Variants in SLCO1C1 observed in about 807,000 individuals in gnomAD.
SLCO1C1 encodes the protein OAT-RP-5.
SLCO1C1 carries 70 observed loss-of-function variants against 76.4 expected under a neutral mutation model. The ratio of observed to expected loss-of-function variants is 0.92; its 90% CI spans 0.76 to 1.12. SLCO1C1 has a LOEUF of 1.12. Among genes scored for constraint, SLCO1C1 ranks in the 50% most tolerant of loss-of-function variants. The pLI is 0.00. For missense variants in SLCO1C1, 912 were observed against 823.8 expected (o/e 1.11, Z -1.31); for synonymous variants, 306 against 286.1 (o/e 1.07, Z -0.70).
At position 20,696,087 on chromosome 12, in the gene SLCO1C1, T is replaced by G. The variant is rs535233207; in HGVS notation, c.-26+280T>G. On this transcript the variant is annotated intron_variant, in intron 1 of 14. Transcript: ENST00000266509. ...GGCCATCTAATTTAAAAAATGGAAT[T>G]CTAATATTACGTTTGTTGGGTTGTT... 6.1e-4 allele frequency among the ~76,000 whole-genome samples: 93 copies of G among 152,238 alleles called. No individual in the cohort carries two copies. In the Middle Eastern group the frequency reaches 0.02, roughly 33 times the overall value.
intron 3 of SLCO1C1, among the ~76,000 whole-genome samples, chr12:20,702,174 T>C (rs903243783): frequency 6.6e-6 from 1 of 151,982 alleles, no homozygotes; most frequent in East Asian, 1.9e-4. Flanking sequence ...TCTCTGGTCC[T>C]TAAGGCTTGT....
In SLCO1C1 at chr12:20,711,564, A is replaced by T. The variant is rs191176483; in HGVS notation, c.529+54A>T. Reference sequence around the variant, plus strand: ...CAAGCTTTTAAAAAAAAGACTTTATATGTGCTTTAGGATGGACAAAAGTGT... The same window carrying T: ...CAAGCTTTTAAAAAAAAGACTTTATTTGTGCTTTAGGATGGACAAAAGTGT... On this transcript the variant is annotated intron_variant, in intron 5 of 14. Coordinates refer to ENST00000266509, the MANE Select transcript of SLCO1C1 (RefSeq NM_017435.5). 7.0e-5 allele frequency: 111 copies of T among 1,583,696 alleles called. No individual in the cohort carries two copies. The Admixed American group carries it at 1.9e-3, about 27-fold the overall frequency.
chr12:20,724,153 G>A (rs1389168632), intron 9 of SLCO1C1, among the ~76,000 whole-genome samples: 1 of 151,524 alleles, frequency 6.6e-6, no homozygotes, highest in South Asian at 2.1e-4. Context: ...AACATCAATT[G>A]ATTTAAATTA....
Position 20,723,156 on chromosome 12 carries a change from C to T in SLCO1C1, c.1088C>T (p.Thr363Ile). Residue 363 changes from threonine (T) to isoleucine (I), a missense_variant, in exon 9 of 15, where the codon ACT becomes ATT. Transcript: ENST00000266509. The part of the protein sequence containing the change: ...PVYFLYLCTS[T>I]VQFNSLFGMV... ...TACTTCCTATATTTATGTACAAGCACTGTTCAGTTCAATTCTCTGTTCGGC... is the reference window on the plus strand; with the variant it reads ...TACTTCCTATATTTATGTACAAGCATTGTTCAGTTCAATTCTCTGTTCGGC... 1.2e-6 allele frequency: 2 copies of T among 1,614,102 alleles called. No homozygotes were observed. The highest frequency in any genetic ancestry group is 2.2e-5 in the East Asian group (1 of 44,874).
intron 9 of SLCO1C1, among the ~76,000 whole-genome samples, chr12:20,725,760 T>A (rs1247720233): frequency 6.6e-6 from 1 of 151,826 alleles, no homozygotes; most frequent in South Asian, 2.1e-4. Flanking sequence ...ATACTCCTAT[T>A]AGAAACGTAA....
At chr12:20,739,846 A>G (rs1014606046) in intron 11 of SLCO1C1, among the ~76,000 whole-genome samples, 2 of 152,194 alleles carry the variant, frequency 1.3e-5, no homozygotes, top group East Asian at 1.9e-4. Context: ...CAAGTTGCGC[A>G]TAAAGGGAGC....
rs112465714 is a variant in SLCO1C1 at position 20,731,117 on chromosome 12, C to G, written c.1187-1792C>G. 1.0e-3 allele frequency among the ~76,000 whole-genome samples: 153 copies of G among 152,240 alleles called. 2 individuals are homozygous for G. The highest frequency in any genetic ancestry group is 5.8e-3 in the South Asian group (28 of 4,816). On this transcript the variant is annotated intron_variant, in intron 9 of 14. Transcript: ENST00000266509. ...ATAAATAAGCTATTTAGATAAACTCCCCTATATTCCTTTGTATCTGTGCCT... is the reference window on the plus strand; with the variant it reads ...ATAAATAAGCTATTTAGATAAACTCGCCTATATTCCTTTGTATCTGTGCCT...
In SLCO1C1 at chr12:20,710,542, T is replaced by C. The variant is rs1431912045; in HGVS notation, c.405-844T>C. ...TGAGTGCAAGAGTAGAGCCGGGGGA[T>C]TGTAGATTAGCATTATCACAGGCTG... On this transcript the variant is annotated intron_variant, in intron 4 of 14. Coordinates refer to ENST00000266509, the MANE Select transcript of SLCO1C1 (RefSeq NM_017435.5). Among the ~76,000 whole-genome samples the C allele has an allele frequency of 3.3e-5, 5 of 152,106 alleles. No homozygotes were observed. In the South Asian group the frequency reaches 8.3e-4, roughly 25 times the overall value.
rs376773423 is a variant in SLCO1C1, at chr12:20,709,653, G to A, written c.405-1733G>A. ...TCCCAGCACTTTGGGAGGCCGAGGC[G>A]GGTGGATCATGAGGTCAGGAGATCG... is the stretch of plus-strand genomic sequence containing the variant. On this transcript the variant is annotated intron_variant, in intron 4 of 14. Coordinates refer to ENST00000266509, the MANE Select transcript of SLCO1C1 (RefSeq NM_017435.5). Among the ~76,000 whole-genome samples, 134 of 15,706 alleles carry A rather than the reference G, an allele frequency of 8.5e-3. 59 individuals are homozygous for A. The East Asian group carries it at 0.41, about 48-fold the overall frequency. 10.3% of individuals were successfully genotyped at this position (15,706 alleles called of 152,430 possible). A position where few individuals can be genotyped will look rare whatever the true frequency, so the allele number is the denominator to read the frequency against.
intron 5 of SLCO1C1, among the ~76,000 whole-genome samples, chr12:20,712,783 CT>C (rs898856431): frequency 1.5e-4 from 23 of 151,964 alleles, no homozygotes; most frequent in African/African-American, 5.6e-4. Flanking sequence ...GGCCAAAGGA[CT>C]AAAAACATAT....
intron 12 of SLCO1C1, among the ~76,000 whole-genome samples, chr12:20,742,826 C>T (rs562817420): frequency 4.2e-4 from 64 of 152,134 alleles, no homozygotes; most frequent in African/African-American, 1.4e-3. Context: ...TGAGCCACCG[C>T]GCCTGGCCTC....
chr12:20,735,180 T>G (rs1948482049), intron 10 of SLCO1C1, among the ~76,000 whole-genome samples: 1 of 152,228 alleles, frequency 6.6e-6, no homozygotes, highest in Admixed American at 6.5e-5. Context: ...CATGTTGCTT[T>G]ATTCCAAACG....
At chr12:20,737,457 T>C (rs1370996436) in intron 11 of SLCO1C1, among the ~76,000 whole-genome samples, 185 bp downstream of exon 11, 1 of 152,126 alleles carries the variant, frequency 6.6e-6, no homozygotes, top group South Asian at 2.1e-4. Flanking sequence ...CTGAAAAAAT[T>C]AGGGTGAGAA....
At chr12:20,737,966 T>C (rs965004300) in intron 11 of SLCO1C1, among the ~76,000 whole-genome samples, 8 of 152,112 alleles carry the variant, frequency 5.3e-5, no homozygotes, top group African/African-American at 1.7e-4. Context: ...AAGATCAAGG[T>C]GCCAGCAGAA....
At chr12:20,747,640 G>C (rs981751996) in intron 13 of SLCO1C1, among the ~76,000 whole-genome samples, 2 of 152,060 alleles carry the variant, frequency 1.3e-5, no homozygotes, top group Admixed American at 6.6e-5. Flanking sequence ...CATCATTAAA[G>C]GTAATGTAAA....
intron 9 of SLCO1C1, among the ~76,000 whole-genome samples, chr12:20,730,359 G>A (rs1438036522): frequency 6.6e-6 from 1 of 152,054 alleles, no homozygotes; most frequent in Non-Finnish European, 1.5e-5. Context: ...ATTCATAGCA[G>A]CACTTACTTC....
intron 4 of SLCO1C1, among the ~76,000 whole-genome samples, chr12:20,710,439 T>C (rs571175319): frequency 1.3e-5 from 2 of 152,162 alleles, no homozygotes; most frequent in Admixed American, 6.5e-5. Flanking sequence ...CAAGATGATA[T>C]TGAGATGTTT....
chr12:20,747,227 C>T (rs1392074384), intron 13 of SLCO1C1, among the ~76,000 whole-genome samples: 2 of 152,040 alleles, frequency 1.3e-5, no homozygotes, highest in African/African-American at 2.4e-5. Context: ...GAGTTCGAGA[C>T]CAGCCTGGCT....
chr12:20,725,123 T>C (rs898869591), intron 9 of SLCO1C1, among the ~76,000 whole-genome samples: 27 of 136,984 alleles, frequency 2.0e-4, no homozygotes, highest in African/African-American at 6.7e-4. Flanking sequence ...AACTATCATA[T>C]ATAATATATA....
Sources: gnomAD v4.1 joint callset for allele counts (sites outside exome capture counted in the v4.1 genomes callset) on GRCh38, gnomAD v4.1.1 for gene constraint, MANE v1.5 for transcripts, NCBI Gene and HGNC (gene_info 2026-07-23, HGNC 2026-07-21) for gene names.